PARD3B: variants seen among roughly 807,000 people sequenced by gnomAD.
The protein encoded by PARD3B is partitioning defective 3 homolog B.
Under a neutral mutation model 130.2 loss-of-function variants are expected in PARD3B, and 103 were observed. The observed-to-expected ratio is 0.79, with a 90% CI of 0.67 to 0.93. The LOEUF (loss-of-function observed/expected upper bound fraction) is 0.93. Ranked by LOEUF, PARD3B falls within the 40% of genes least tolerant of loss-of-function variation. PARD3B has a pLI of 0.00. For synonymous variants in PARD3B, 583 were observed against 553.2 expected, an observed-to-expected ratio of 1.05 and a Z score of -0.76; for missense variants, 1,609 against 1,499.2, an observed-to-expected ratio of 1.07 and a Z score of -1.21.
rs1482246022 is a variant in PARD3B, at chr2:205,229,478, G to C, written c.2141-16300G>C. 2.0e-5 allele frequency among the ~76,000 whole-genome samples: 3 copies of C among 152,162 alleles called. No homozygotes were observed. Among genetic ancestry groups the C allele is most frequent in the South Asian group, 4.1e-4 (2 of 4,832 alleles). On this transcript the variant is annotated intron_variant, in intron 15 of 22. Transcript: ENST00000406610. The surrounding 1 kb of genome is among the most constrained non-coding windows in gnomAD (Gnocchi z 5.2). ...CCTGAAATTACCAGGTAGTGACTCT[G>C]CTCTCTTCCCTTATTTTCCCCCAAA...
intron 16 of PARD3B, among the ~76,000 whole-genome samples, chr2:205,264,860 CT>C (rs552434136): frequency 1.3e-5 from 2 of 150,660 alleles, no homozygotes; most frequent in East Asian, 3.9e-4. Flanking sequence ...TTTGAAAATA[CT>C]TTTTTTTACA....
At chr2:205,130,322 C>A (rs527662156) in intron 10 of PARD3B, among the ~76,000 whole-genome samples, 2 of 152,260 alleles carry the variant, frequency 1.3e-5, no homozygotes, top group East Asian at 3.9e-4. Flanking sequence ...TGGTGGTTTG[C>A]GTGGTCAGTT....
rs2276677 is a variant in PARD3B at position 205,125,306 on chromosome 2, C to A, written c.1306-303C>A. ...GAAAATGGCGCTAAGTAAGCCTTTG[C>A]AATCTGCTTTCTACCTTAAGCGGAA... On this transcript the variant is annotated intron_variant, in intron 9 of 22. Transcript: ENST00000406610. This position sits in a 1 kb window ranked among gnomAD's most constrained non-coding sequence, Gnocchi z 4.0. Among the ~76,000 whole-genome samples the A allele has an allele frequency of 0.64, 97,399 of 152,004 alleles. 31,515 individuals carry two copies. The highest frequency in any genetic ancestry group is 0.81 in the East Asian group (4,157 of 5,148).
intron 15 of PARD3B, among the ~76,000 whole-genome samples, chr2:205,217,883 TATATATATA>T (rs1559553019): frequency 1.4e-3 from 136 of 98,678 alleles, no homozygotes; most frequent in African/African-American, 5.8e-3. Flanking sequence ...TATATATATA[TATATATATA>T]TATTTTTTTT....
intron 1 of PARD3B, among the ~76,000 whole-genome samples, chr2:204,554,253 T>C (rs1022320816): frequency 5.3e-5 from 8 of 152,084 alleles, no homozygotes; most frequent in African/African-American, 1.9e-4. Flanking sequence ...CAAATACCAC[T>C]GGGGTAGTTC....
intron 2 of PARD3B, among the ~76,000 whole-genome samples, chr2:204,694,575 A>G (rs1362780724): frequency 6.6e-6 from 1 of 152,036 alleles, no homozygotes; most frequent in Non-Finnish European, 1.5e-5. Context: ...TCTTCCACCA[A>G]ACTACGTTGT....
intron 1 of PARD3B, among the ~76,000 whole-genome samples, chr2:204,572,180 A>G (rs898689242): frequency 7.2e-5 from 11 of 152,304 alleles, no homozygotes; most frequent in Non-Finnish European, 1.3e-4. Flanking sequence ...GCCAGATAGA[A>G]AAGAACACTT....
chr2:205,207,155 T>C (rs2037364374), intron 15 of PARD3B, among the ~76,000 whole-genome samples: 1 of 141,672 alleles, frequency 7.1e-6, no homozygotes, highest in South Asian at 2.3e-4. Flanking sequence ...AATAAAGATG[T>C]TCTTTGAAAC....
intron 16 of PARD3B, among the ~76,000 whole-genome samples, chr2:205,298,488 T>C (rs1184289532): frequency 1.0e-4 from 4 of 38,356 alleles, no homozygotes; most frequent in African/African-American, 3.0e-4. Flanking sequence ...GTCCCTGAAA[T>C]TTTTTGTATT....
intron 2 of PARD3B, among the ~76,000 whole-genome samples, chr2:204,898,086 G>A (rs1380679217): frequency 4.0e-5 from 6 of 151,072 alleles, no homozygotes; most frequent in Non-Finnish European, 5.9e-5. Flanking sequence ...TAAAATGGTT[G>A]AAATGGTAAA....
intron 10 of PARD3B, among the ~76,000 whole-genome samples, chr2:205,155,023 C>T (rs898458532): frequency 1.2e-4 from 18 of 151,360 alleles, no homozygotes; most frequent in Non-Finnish European, 1.6e-4. Context: ...TGCACATGTA[C>T]TCTAGAACTT....
chr2:205,273,981 C>T (rs7568981), intron 16 of PARD3B, among the ~76,000 whole-genome samples: 2,393 of 152,202 alleles, frequency 0.016, 49 homozygotes, highest in African/African-American at 0.054. Flanking sequence ...TTGCAGAGCA[C>T]ACACCACCAT....
chr2:205,025,219 G>A (rs779811283), intron 3 of PARD3B, among the ~76,000 whole-genome samples: 4 of 152,146 alleles, frequency 2.6e-5, no homozygotes, highest in Non-Finnish European at 5.9e-5. Context: ...AACTGCTCAC[G>A]GCTATTAGTC....
Position 204,998,333 on chromosome 2 carries a change from T to TACAC in PARD3B, c.394+33011_394+33012insCACA, listed in dbSNP as rs1481872420. ...TAAAGTATATATATATATATATATA[T>TACAC]ATATATATATATATATATATATATA... On this transcript the variant is annotated intron_variant, in intron 3 of 22. Transcript: ENST00000406610. Among the ~76,000 whole-genome samples the TACAC allele has an allele frequency of 2.5e-3, 97 of 39,036 alleles. 5 individuals are homozygous for TACAC. The South Asian group carries it at 0.06, about 24-fold the overall frequency. 25.6% of individuals were successfully genotyped at this position (39,036 alleles called of 152,430 possible). A position where few individuals can be genotyped will look rare whatever the true frequency, so the allele number is the denominator to read the frequency against.
intron 2 of PARD3B, among the ~76,000 whole-genome samples, chr2:204,930,229 C>G (rs187186517): frequency 1.3e-4 from 20 of 150,646 alleles, no homozygotes; most frequent in Admixed American, 1.3e-3. Context: ...CATTTTCTAT[C>G]TAACATTTTG....
chr2:205,470,425 A>T lies in PARD3B; in HGVS notation c.3045-29471A>T, dbSNP rs1428950830. On this transcript the variant is annotated intron_variant, in intron 20 of 22. Transcript: ENST00000406610. The surrounding 1 kb of genome is among the most constrained non-coding windows in gnomAD (Gnocchi z 4.8). ...TGTTAACCACAGTGCCCATGTATCCACTGTCAGATGACTCCCTCTGCTCAC... is the reference window on the plus strand; with the variant it reads ...TGTTAACCACAGTGCCCATGTATCCTCTGTCAGATGACTCCCTCTGCTCAC... 6.6e-6 allele frequency among the ~76,000 whole-genome samples: 1 copy of T among 152,106 alleles called. No individual in the cohort carries two copies. The highest frequency in any genetic ancestry group is 1.5e-5 in the Non-Finnish European group (1 of 68,016).
rs2042831995 is a variant in PARD3B at position 205,323,543 on chromosome 2, A to G, written c.2630+21842A>G. On this transcript the variant is annotated intron_variant, in intron 18 of 22. Transcript: ENST00000406610. Reference sequence around the variant, plus strand: ...CTAATACGCAAAGGGGACTATGAAAAGAAGCTAAGGACCATTAGATAATGT... The same window carrying G: ...CTAATACGCAAAGGGGACTATGAAAGGAAGCTAAGGACCATTAGATAATGT... Among the ~76,000 whole-genome samples, 2 of 152,326 alleles carry G rather than the reference A, an allele frequency of 1.3e-5. 1 individual carries two copies. Among genetic ancestry groups the G allele is most frequent in the Middle Eastern group, 6.8e-3 (2 of 294 alleles).
At chr2:205,579,220 G>A (rs1481891049) in intron 22 of PARD3B, among the ~76,000 whole-genome samples, 1 of 152,124 alleles carries the variant, frequency 6.6e-6, no homozygotes, top group Non-Finnish European at 1.5e-5. Flanking sequence ...AATGGTCGGG[G>A]GTGGAGGTGA....
chr2:204,881,420 A>G (rs1193586717), intron 2 of PARD3B, among the ~76,000 whole-genome samples: 1 of 152,230 alleles, frequency 6.6e-6, no homozygotes, highest in Non-Finnish European at 1.5e-5. Context: ...TATTTTATAC[A>G]TTATATGTTG....
Sources: gnomAD v4.1 joint callset for allele counts (sites outside exome capture counted in the v4.1 genomes callset) on GRCh38, gnomAD v4.1.1 for gene constraint, Gnocchi (gnomAD v3.1) non-coding constraint, MANE v1.5 for transcripts, NCBI Gene and HGNC (gene_info 2026-07-23, HGNC 2026-07-21) for gene names.